Variants in RANBP2 observed in about 807,000 individuals in gnomAD.
RANBP2 encodes RAN binding protein 2.
RANBP2 carries 57 observed loss-of-function variants against 303.6 expected under a neutral mutation model. The ratio of observed to expected loss-of-function variants is 0.19; its 90% CI spans 0.15 to 0.23. The LOEUF is 0.23. Ranked by LOEUF, RANBP2 falls within the 10% of genes least tolerant of loss-of-function variation. The pLI, the probability that RANBP2 is intolerant of heterozygous loss-of-function variation, is 1.00. For missense variants in RANBP2, 3,138 were observed against 3,780.8 expected (o/e 0.83, Z 4.46); for synonymous variants, 1,167 against 1,301.5 (o/e 0.90, Z 2.23).
chr2:109,613,094 G>A, the RANBP2 span: 1 of 932,912 alleles, frequency 1.1e-6, no homozygotes, highest in Non-Finnish European at 1.5e-6. Flanking sequence ...TCCAAACGGC[G>A]GTGAGATCAC....
chr2:109,368,448 T>C, the RANBP2 span, among the ~76,000 whole-genome samples: 1 of 152,214 alleles, frequency 6.6e-6, no homozygotes, highest in Non-Finnish European at 1.5e-5. Context: ...ATTTTTTTAA[T>C]GATTGGCCAA....
chr2:108,764,569 T>G lies in RANBP2; in HGVS notation c.4030T>G (p.Phe1344Val). The G allele has an allele frequency of 6.2e-7, 1 of 1,613,906 alleles. No homozygotes were observed. The highest frequency in any genetic ancestry group is 8.5e-7 in the Non-Finnish European group (1 of 1,179,956). ...ICKSDAGNLN[F>V]EFQVAKKEGS... Reference sequence around the variant, plus strand: ...CAAATCTGATGCTGGAAACCTGAATTTTGAATTTCAGGTTGCAAAGAAAGA... The same window carrying G: ...CAAATCTGATGCTGGAAACCTGAATGTTGAATTTCAGGTTGCAAAGAAAGA... Residue 1344 changes from phenylalanine to valine, a missense_variant, in exon 20 of 29, where the codon TTT (phenylalanine) becomes GTT (valine). This residue lies in a region of RANBP2 where 388 missense variants were observed against 328.5 expected (regional missense o/e 1.18). Coordinates refer to ENST00000283195, the MANE Select transcript of RANBP2 (RefSeq NM_006267.5).
At chr2:109,022,388 A>G in the RANBP2 span, among the ~76,000 whole-genome samples, 2 of 152,260 alleles carry the variant, frequency 1.3e-5, no homozygotes, top group Non-Finnish European at 1.5e-5. Context: ...TTATGTGGAC[A>G]GCGTCGCTCA....
chr2:108,856,734 G>A, the RANBP2 span: 2 of 1,509,530 alleles, frequency 1.3e-6, no homozygotes, highest in Admixed American at 4.4e-5. Context: ...TTTACCTTCT[G>A]TTTCTGATTG....
At chr2:109,510,457 G>A in the RANBP2 span, among the ~76,000 whole-genome samples, 43 of 152,196 alleles carry the variant, frequency 2.8e-4, 4 homozygotes, top group Non-Finnish European at 1.6e-4. Flanking sequence ...AAGTCAGTCC[G>A]ATGTGGAGGC....
the RANBP2 span, among the ~76,000 whole-genome samples, chr2:109,248,033 A>C: frequency 2.5e-4 from 38 of 152,182 alleles, no homozygotes; most frequent in Non-Finnish European, 4.1e-4. Flanking sequence ...TCTAGAGGCA[A>C]CCTTGGATGG....
At chr2:108,893,078 C>CTAAT in the RANBP2 span, among the ~76,000 whole-genome samples, 1 of 152,222 alleles carries the variant, frequency 6.6e-6, no homozygotes, top group Non-Finnish European at 1.5e-5. Context: ...GAAGGGTCAC[C>CTAAT]TAATTCCTCA....
At chr2:109,237,964 G>T in the RANBP2 span, among the ~76,000 whole-genome samples, 1 of 152,170 alleles carries the variant, frequency 6.6e-6, no homozygotes, top group African/African-American at 2.4e-5. Flanking sequence ...ACCACGCAAT[G>T]GCTCATGCTT....
At chr2:108,796,781 A>G in the RANBP2 span, among the ~76,000 whole-genome samples, 6 of 152,298 alleles carry the variant, frequency 3.9e-5, no homozygotes, top group African/African-American at 1.4e-4. Flanking sequence ...AGTGGGTCTC[A>G]TAGAAATAGA....
the RANBP2 span, among the ~76,000 whole-genome samples, chr2:109,542,728 G>C: frequency 2.0e-5 from 3 of 152,170 alleles, no homozygotes; most frequent in African/African-American, 7.2e-5. Context: ...TTAATTTACT[G>C]AAGTTTTAAA....
chr2:108,893,366 C>T, the RANBP2 span, among the ~76,000 whole-genome samples: 2 of 152,290 alleles, frequency 1.3e-5, no homozygotes, highest in Admixed American at 1.3e-4. Context: ...GAGCCACTCT[C>T]TCCAAACTTC....
At chr2:109,369,775 C>A in the RANBP2 span, among the ~76,000 whole-genome samples, 1 of 152,308 alleles carries the variant, frequency 6.6e-6, no homozygotes, top group East Asian at 1.9e-4. Context: ...CTCGGATGGA[C>A]ACCAAACCCT....
the RANBP2 span, among the ~76,000 whole-genome samples, chr2:109,102,099 T>C: frequency 6.6e-6 from 1 of 152,112 alleles, no homozygotes. Context: ...TTATTATTTT[T>C]ATTTATTTTT....
At chr2:108,831,414 A>G in the RANBP2 span, among the ~76,000 whole-genome samples, 1 of 152,318 alleles carries the variant, frequency 6.6e-6, no homozygotes, top group African/African-American at 2.4e-5. Context: ...AAAGATAAGA[A>G]AAAGTACTTT....
the RANBP2 span, among the ~76,000 whole-genome samples, chr2:109,235,568 G>T: frequency 6.6e-6 from 1 of 152,254 alleles, no homozygotes; most frequent in African/African-American, 2.4e-5. Context: ...TGGTAAGATG[G>T]TTCTCCTGGG....
chr2:109,222,294 T>G, the RANBP2 span, among the ~76,000 whole-genome samples: 1 of 152,168 alleles, frequency 6.6e-6, no homozygotes, highest in Non-Finnish European at 1.5e-5. Flanking sequence ...GCAGGGTGAT[T>G]AGTTAACAAC....
the RANBP2 span, among the ~76,000 whole-genome samples, chr2:109,121,226 G>A: frequency 1.3e-5 from 2 of 150,542 alleles, no homozygotes; most frequent in Non-Finnish European, 2.9e-5. Flanking sequence ...CAGCCTGGGC[G>A]ACAGAGTGAC....
chr2:109,458,599 A>AGAGAGAGG, the RANBP2 span, among the ~76,000 whole-genome samples: 1 of 150,484 alleles, frequency 6.6e-6, no homozygotes. Flanking sequence ...AGAGAGAGAG[A>AGAGAGAGG]GAATTTATTT....
chr2:109,031,241 A>AGG, the RANBP2 span, among the ~76,000 whole-genome samples: 1 of 151,894 alleles, frequency 6.6e-6, no homozygotes, highest in East Asian at 1.9e-4. Context: ...GTCAGCAGTG[A>AGG]GGGGGGCCTG....
Sources: gnomAD v4.1 joint callset for allele counts (sites outside exome capture counted in the v4.1 genomes callset) on GRCh38, gnomAD v4.1.1 for gene constraint, gnomAD v4.1.1 regional missense constraint, MANE v1.5 for transcripts, NCBI Gene and HGNC (gene_info 2026-07-23, HGNC 2026-07-21) for gene names.